The following INTS8 variants were observed in gnomAD, a reference collection of about 807,000 sequenced individuals.
INTS8 encodes the protein integrator complex subunit 8.
INTS8 carries 47 observed loss-of-function variants against 138.9 expected under a neutral mutation model. The ratio of observed to expected loss-of-function variants is 0.34; its 90% confidence interval spans 0.27 to 0.43. INTS8 has a LOEUF of 0.43. INTS8 is among the 20% of genes least tolerant of loss of function. The probability of loss-of-function intolerance (pLI) is 1.00; values close to 1 mark genes in which losing one functional copy is unlikely to be tolerated. For missense variants in INTS8, 996 were observed against 1,173.0 expected, an observed-to-expected ratio of 0.85 and a Z score of 2.20; for synonymous variants, 392 against 400.9, an observed-to-expected ratio of 0.98 and a Z score of 0.27.
chr8:94,867,203 A>G lies in INTS8; in HGVS notation c.2352+7A>G, dbSNP rs766509366. The G allele has an allele frequency of 1.2e-6, 2 of 1,603,674 alleles. No individual in the cohort carries two copies. Among genetic ancestry groups the G allele is most frequent in the Non-Finnish European group, 8.5e-7 (1 of 1,174,536 alleles). On this transcript the variant is annotated splice_region_variant and intron_variant, in intron 19 of 26. Coordinates refer to ENST00000523731, the MANE Select transcript of INTS8 (RefSeq NM_017864.4). The stretch of plus-strand genomic sequence containing the variant: ...GAAACTTCACAATGTTCGGGTAAGT[A>G]TTTCATAATTTCATTTAGAAAAATT...
chr8:94,849,805 G>GT, intron 11 of INTS8, 111 bp from the exon 12 acceptor site: 1 of 753,060 alleles, frequency 1.3e-6, no homozygotes, highest in Non-Finnish European at 2.1e-6. Flanking sequence ...TCATTATACA[G>GT]TTTATGTAAT....
intron 26 of INTS8, among the ~76,000 whole-genome samples, chr8:94,877,179 T>C (rs1212139015): frequency 1.3e-5 from 2 of 152,218 alleles, no homozygotes; most frequent in South Asian, 4.1e-4. Flanking sequence ...ATGAACTCTT[T>C]ATCTAAATTT....
intron 16 of INTS8, among the ~76,000 whole-genome samples, chr8:94,863,863 A>G (rs1816082213): frequency 1.3e-5 from 2 of 152,200 alleles, no homozygotes; most frequent in Admixed American, 6.5e-5. Flanking sequence ...TATTTTAGGT[A>G]AGCTTGCAGG....
chr8:94,825,396 C>T (rs1186323966), intron 2 of INTS8, among the ~76,000 whole-genome samples: 2 of 150,430 alleles, frequency 1.3e-5, no homozygotes, highest in African/African-American at 2.5e-5. Context: ...GGCGCTACTG[C>T]ACTCCAGCCT....
intron 10 of INTS8, among the ~76,000 whole-genome samples, chr8:94,846,567 C>T (rs1003552572): frequency 6.6e-6 from 1 of 152,212 alleles, no homozygotes; most frequent in Non-Finnish European, 1.5e-5. Context: ...AGCCACCACA[C>T]CCAGCCTCTT....
At chr8:94,855,370 A>G (rs941198586) in intron 14 of INTS8, among the ~76,000 whole-genome samples, 1 of 152,142 alleles carries the variant, frequency 6.6e-6, no homozygotes, top group Non-Finnish European at 1.5e-5. Context: ...TTCAAAATCC[A>G]GTAAGTATTT....
At chr8:94,874,639 C>G (rs1226448991) in intron 23 of INTS8, 37 bp downstream of exon 23, 2 of 1,188,830 alleles carry the variant, frequency 1.7e-6, no homozygotes, top group South Asian at 2.5e-5. Context: ...TTTATTTTTA[C>G]ATATGTTAGA....
chr8:94,832,782 G>A (rs550885146), intron 6 of INTS8, among the ~76,000 whole-genome samples: 1 of 152,112 alleles, frequency 6.6e-6, no homozygotes, highest in African/African-American at 2.4e-5. Flanking sequence ...AGCCTCCCGA[G>A]TAGCTGGGAC....
intron 6 of INTS8, among the ~76,000 whole-genome samples, chr8:94,833,535 C>T (rs1193492389): frequency 6.6e-6 from 1 of 151,984 alleles, no homozygotes; most frequent in Admixed American, 6.6e-5. Context: ...ATGAAACTTG[C>T]ATATAGGAGT....
At chr8:94,853,653 GTGTTATATTA>G in intron 13 of INTS8, 142 bp from the exon 14 acceptor site, 1 of 516,908 alleles carries the variant, frequency 1.9e-6, no homozygotes, top group Non-Finnish European at 3.5e-6. Context: ...ATTTTCGTTA[GTGTTATATTA>G]TGGCTGTCAT....
rs868819375 is a variant in INTS8, at chr8:94,823,528, C to T, written c.97C>T (p.Leu33=). ...CWFEFLLEES[L]LEKHLRKPCP... is the part of the protein sequence containing the mutation. Reference sequence around the variant, plus strand: ...GTTTGAGTTTCTGCTGGAGGAGTCACTGTTGGAGAAACATCTGCGCAAGCC... The same window carrying T: ...GTTTGAGTTTCTGCTGGAGGAGTCATTGTTGGAGAAACATCTGCGCAAGCC... Residue 33 remains leucine, a synonymous_variant, in exon 1 of 27, where the codon CTG becomes TTG. Coordinates refer to ENST00000523731, the MANE Select transcript of INTS8 (RefSeq NM_017864.4). 2 of 1,578,594 alleles carry T rather than the reference C, an allele frequency of 1.3e-6. No homozygotes were observed. The highest frequency in any genetic ancestry group is 1.7e-6 in the Non-Finnish European group (2 of 1,162,876).
In INTS8 at chr8:94,823,709, C is replaced by T; in HGVS notation, c.130+148C>T. ...CAGCTCCGGCCGGGCTCCTCGCTTC[C>T]CTTAAACATGCCCGGGTGGAGGGTC... On this transcript the variant is annotated intron_variant, in intron 1 of 26. Transcript: ENST00000523731. The T allele has an allele frequency of 7.9e-6, 5 of 631,564 alleles. No homozygotes were observed. In the South Asian group the frequency reaches 8.3e-5, roughly 10 times the overall value. The allele number at this position is 631,564 out of a possible 1,614,324, so 39.1% of individuals were successfully genotyped here. A position where few individuals can be genotyped will look rare whatever the true frequency, so the allele number is the denominator to read the frequency against.
intron 15 of INTS8, among the ~76,000 whole-genome samples, 183 bp from the exon 16 acceptor site, chr8:94,859,328 G>T (rs1217975412): frequency 6.6e-6 from 1 of 151,530 alleles, no homozygotes; most frequent in Non-Finnish European, 1.5e-5. Flanking sequence ...TGCCCAGGCT[G>T]GTCTCAAACT....
chr8:94,863,602 ATTTT>A (rs1464579839), intron 16 of INTS8, among the ~76,000 whole-genome samples: 1 of 152,208 alleles, frequency 6.6e-6, no homozygotes, highest in Non-Finnish European at 1.5e-5. Context: ...AGGGCAGTTA[ATTTT>A]TATGTTGTGC....
intron 13 of INTS8, among the ~76,000 whole-genome samples, chr8:94,852,888 A>G (rs1815603178): frequency 6.6e-6 from 1 of 152,158 alleles, no homozygotes; most frequent in African/African-American, 2.4e-5. Flanking sequence ...GATTATAGGC[A>G]TGAGCCACTG....
intron 6 of INTS8, among the ~76,000 whole-genome samples, chr8:94,833,968 C>G (rs7014299): frequency 1.6e-3 from 239 of 152,246 alleles, no homozygotes; most frequent in African/African-American, 5.5e-3. Flanking sequence ...GATGGGGTTT[C>G]TCCATGTTGA....
Position 94,847,154 on chromosome 8 carries a change from C to T in INTS8, c.1261-2308C>T, listed in dbSNP as rs1815360852. Among the ~76,000 whole-genome samples, 4 of 152,174 alleles carry T rather than the reference C, an allele frequency of 2.6e-5. No individual in the cohort carries two copies. The South Asian group carries it at 8.3e-4, about 31-fold the overall frequency. ...CTCCAGCTTCAAGTGATTCTCCTGC[C>T]TCAGCCTCCACAGTAGCTGAGATTA... On this transcript the variant is annotated intron_variant, in intron 10 of 26. Transcript: ENST00000523731.
At chr8:94,823,643 C>G in intron 1 of INTS8, 82 bp downstream of exon 1, 1 of 1,199,736 alleles carries the variant, frequency 8.3e-7, no homozygotes, top group Non-Finnish European at 1.1e-6. Flanking sequence ...CCCGCCTTCT[C>G]GGTCACCGAA....
chr8:94,858,073 A>G (rs190323166), intron 15 of INTS8, among the ~76,000 whole-genome samples: 71 of 152,364 alleles, frequency 4.7e-4, no homozygotes, highest in Non-Finnish European at 8.8e-4. Context: ...ATGTCTTACT[A>G]TGAAAAGGGG....
Sources: allele counts gnomAD v4.1 joint callset (sites outside exome capture counted in the v4.1 genomes callset), GRCh38; gene constraint gnomAD v4.1.1; transcripts MANE v1.5; gene names NCBI Gene and HGNC (gene_info 2026-07-23, HGNC 2026-07-21).